MRPL48: variants seen among roughly 807,000 people sequenced by gnomAD.
MRPL48 encodes mitochondrial ribosomal protein L48.
A neutral mutation model predicts 32.9 loss-of-function variants in MRPL48; 16 were observed. The observed-to-expected ratio is 0.49, with a 90% CI of 0.33 to 0.74. The LOEUF (loss-of-function observed/expected upper bound fraction) is 0.74, where lower values mean the gene tolerates loss of function less well. MRPL48 is among the 30% of genes least tolerant of loss of function. The pLI, the probability that MRPL48 is intolerant of heterozygous loss-of-function variation, is 0.02. For missense variants in MRPL48, 206 were observed against 245.3 expected, an observed-to-expected ratio of 0.84 and a Z score of 1.07; for synonymous variants, 94 against 89.2, an observed-to-expected ratio of 1.05 and a Z score of -0.31.
chr11:73,792,838 A>G (rs1231888933), intron 1 of MRPL48, among the ~76,000 whole-genome samples: 1 of 152,238 alleles, frequency 6.6e-6, no homozygotes, highest in Non-Finnish European at 1.5e-5. Flanking sequence ...CAGTTTGACC[A>G]TTAATAATGC....
rs772841379 is a variant in MRPL48, at chr11:73,844,789, T to A, written c.202-18T>A. The stretch of plus-strand genomic sequence containing the variant: ...TGTATAATACTTTATTTTCTTTCTC[T>A]CTTTGTTTTCTCTTCAGCCCAAGAA... On this transcript the variant is annotated intron_variant, in intron 4 of 7. Transcript: ENST00000310614. 3 of 1,603,334 alleles carry A rather than the reference T, an allele frequency of 1.9e-6. No homozygotes were observed. Among genetic ancestry groups the A allele is most frequent in the Non-Finnish European group, 2.5e-6 (3 of 1,177,186 alleles).
intron 5 of MRPL48, chr11:73,851,137 C>T (rs534498184): frequency 1.6e-4 from 71 of 453,500 alleles, no homozygotes; most frequent in Admixed American, 8.6e-4. Flanking sequence ...ATCACTTGTC[C>T]TTATCACTTT....
chr11:73,850,791 C>G, intron 5 of MRPL48: 1 of 220,830 alleles, frequency 4.5e-6, no homozygotes, highest in Non-Finnish European at 9.1e-6. Context: ...ATTCTCCTGC[C>G]TCAGCTTCCT....
At chr11:73,836,281 A>T (rs942087771) in intron 4 of MRPL48, among the ~76,000 whole-genome samples, 1 of 150,822 alleles carries the variant, frequency 6.6e-6, no homozygotes, top group Non-Finnish European at 1.5e-5. Flanking sequence ...TGCAACCTCC[A>T]CCTCCTGGGT....
intron 4 of MRPL48, among the ~76,000 whole-genome samples, chr11:73,826,779 T>C (rs562934824): frequency 1.4e-3 from 213 of 149,186 alleles, no homozygotes; most frequent in Non-Finnish European, 2.6e-3. Context: ...ATTTTCTTTT[T>C]TTTTTTTTTT....
chr11:73,821,905 T>C (rs1325919255), intron 3 of MRPL48, among the ~76,000 whole-genome samples: 1 of 152,174 alleles, frequency 6.6e-6, no homozygotes, highest in African/African-American at 2.4e-5. Context: ...ATAATAAATA[T>C]TTGTTGAATG....
intron 3 of MRPL48, among the ~76,000 whole-genome samples, chr11:73,819,141 C>T (rs1292462231): frequency 1.3e-5 from 2 of 152,138 alleles, no homozygotes; most frequent in African/African-American, 4.8e-5. Context: ...GCAGTTTAAC[C>T]ACTGGTAATT....
chr11:73,823,956 A>G (rs1947836555), intron 3 of MRPL48, among the ~76,000 whole-genome samples: 1 of 151,798 alleles, frequency 6.6e-6, no homozygotes, highest in African/African-American at 2.4e-5. Context: ...CCTGGGTTCA[A>G]GTGATTCTCC....
chr11:73,857,658 G>A (rs1948509314), intron 5 of MRPL48, among the ~76,000 whole-genome samples: 1 of 136,422 alleles, frequency 7.3e-6, no homozygotes. Context: ...ACAGTGGCAT[G>A]ATCTCGGCTC....
chr11:73,808,879 C>T (rs1236190580), intron 3 of MRPL48, among the ~76,000 whole-genome samples: 2 of 151,408 alleles, frequency 1.3e-5, no homozygotes, highest in Non-Finnish European at 2.9e-5. Flanking sequence ...GCTGAGATTA[C>T]GCCATTGCAC....
chr11:73,861,011 A>T (rs1184634368), intron 6 of MRPL48, among the ~76,000 whole-genome samples: 1 of 152,148 alleles, frequency 6.6e-6, no homozygotes, highest in Non-Finnish European at 1.5e-5. Flanking sequence ...TTCAAGGTTC[A>T]TCTCTGTTGT....
At chr11:73,815,087 T>C (rs1947640269) in intron 3 of MRPL48, among the ~76,000 whole-genome samples, 1 of 152,196 alleles carries the variant, frequency 6.6e-6, no homozygotes, top group Non-Finnish European at 1.5e-5. Flanking sequence ...TCTTAATGAA[T>C]GAATGAAGTC....
At chr11:73,839,354 G>C (rs1007681535) in intron 4 of MRPL48, among the ~76,000 whole-genome samples, 1 of 151,466 alleles carries the variant, frequency 6.6e-6, no homozygotes, top group Non-Finnish European at 1.5e-5. Flanking sequence ...AGTAGGGATA[G>C]TTTTTTTTTC....
intron 4 of MRPL48, among the ~76,000 whole-genome samples, chr11:73,834,520 T>C (rs933636835): frequency 2.1e-5 from 3 of 144,008 alleles, no homozygotes; most frequent in African/African-American, 8.0e-5. Flanking sequence ...TTTATTTTGT[T>C]TTTGCTGGTT....
At chr11:73,792,446 T>C (rs1389271701) in intron 1 of MRPL48, among the ~76,000 whole-genome samples, 1 of 152,214 alleles carries the variant, frequency 6.6e-6, no homozygotes, top group Non-Finnish European at 1.5e-5. Context: ...ATGTCTAATA[T>C]GTCAGCCCAG....
At chr11:73,818,801 A>C (rs1321786916) in intron 3 of MRPL48, among the ~76,000 whole-genome samples, 1 of 152,244 alleles carries the variant, frequency 6.6e-6, no homozygotes, top group Non-Finnish European at 1.5e-5. Flanking sequence ...TGATGGGTTT[A>C]GTTCTCAGTT....
At chr11:73,830,585 T>G (rs182344191) in intron 4 of MRPL48, among the ~76,000 whole-genome samples, 8,843 of 152,100 alleles carry the variant, frequency 0.058, 383 homozygotes, top group East Asian at 0.18. Context: ...AGAAAAAAAA[T>G]AAGTTGGCCA....
chr11:73,827,355 G>A (rs1445145616), intron 4 of MRPL48, among the ~76,000 whole-genome samples: 4 of 152,184 alleles, frequency 2.6e-5, no homozygotes, highest in African/African-American at 9.6e-5. Flanking sequence ...CTGTACTCTA[G>A]TCTGGGCAAC....
At chr11:73,819,281 G>A (rs1049407434) in intron 3 of MRPL48, among the ~76,000 whole-genome samples, 14 of 152,156 alleles carry the variant, frequency 9.2e-5, no homozygotes, top group Non-Finnish European at 1.6e-4. Context: ...TCCTTGCCAA[G>A]GAATTCCAGT....
Sources: allele counts gnomAD v4.1 joint callset (sites outside exome capture counted in the v4.1 genomes callset), GRCh38; gene constraint gnomAD v4.1.1; transcripts MANE v1.5; gene names NCBI Gene and HGNC (gene_info 2026-07-23, HGNC 2026-07-21).